Variants in STIM1 observed in about 807,000 individuals in gnomAD.
STIM1 encodes stromal interaction molecule 1.
STIM1 carries 25 observed loss-of-function variants against 74.7 expected under a neutral mutation model. That is an observed-to-expected ratio of 0.33 (90% CI 0.24 to 0.47). The LOEUF is 0.47. Among genes scored for constraint, STIM1 ranks in the 20% least tolerant of loss-of-function variants. The probability of loss-of-function intolerance (pLI) is 1.00; values close to 1 mark genes in which losing one functional copy is unlikely to be tolerated. For synonymous variants in STIM1, 328 were observed against 348.8 expected (o/e 0.94, Z 0.66); for missense variants, 728 against 920.8 (o/e 0.79, Z 2.71).
intron 1 of STIM1, among the ~76,000 whole-genome samples, chr11:3,862,247 TA>T (rs977777000): frequency 6.6e-6 from 1 of 152,106 alleles, no homozygotes; most frequent in African/African-American, 2.4e-5. Flanking sequence ...AAATTCCCCC[TA>T]AAAAGTAAGA....
chr11:3,971,357 G>C (rs1236615830), intron 2 of STIM1, among the ~76,000 whole-genome samples: 1 of 151,932 alleles, frequency 6.6e-6, no homozygotes, highest in African/African-American at 2.4e-5. Context: ...GTGAAACCCC[G>C]TCTCTACTAA....
chr11:4,018,471 A>C (rs994509818), intron 2 of STIM1, among the ~76,000 whole-genome samples: 3 of 146,196 alleles, frequency 2.1e-5, no homozygotes, highest in South Asian at 4.4e-4. Context: ...AAAAAAAAAA[A>C]AAAAAAAAAA....
At chr11:3,972,165 T>C (rs2093402407) in intron 2 of STIM1, among the ~76,000 whole-genome samples, 2 of 152,236 alleles carry the variant, frequency 1.3e-5, no homozygotes, top group African/African-American at 4.8e-5. Context: ...AGTAGAAGTC[T>C]GAAGGGGTGC....
At chr11:4,049,971 C>T (rs960154220) in intron 3 of STIM1, among the ~76,000 whole-genome samples, 1 of 152,110 alleles carries the variant, frequency 6.6e-6, no homozygotes, top group African/African-American at 2.4e-5. Flanking sequence ...TAGAACAATA[C>T]TCTCATAGAC....
At chr11:4,038,509 A>G (rs2132974509) in intron 3 of STIM1, among the ~76,000 whole-genome samples, 1 of 152,270 alleles carries the variant, frequency 6.6e-6, no homozygotes, top group African/African-American at 2.4e-5. Context: ...TGGAAATTCA[A>G]GGCCATAAGC....
At chr11:3,859,540 G>A (rs2090517490) in intron 1 of STIM1, among the ~76,000 whole-genome samples, 1 of 152,216 alleles carries the variant, frequency 6.6e-6, no homozygotes, top group Admixed American at 6.5e-5. Flanking sequence ...GGTATTGAGG[G>A]CCTCTAATCA....
intron 1 of STIM1, among the ~76,000 whole-genome samples, chr11:3,899,379 T>G (rs1190270959): frequency 6.6e-6 from 1 of 152,240 alleles, no homozygotes; most frequent in East Asian, 1.9e-4. Context: ...ATCCTGAGAG[T>G]TTGCTGAAGT....
At chr11:4,012,150 G>C (rs2093843659) in intron 2 of STIM1, among the ~76,000 whole-genome samples, 2 of 152,204 alleles carry the variant, frequency 1.3e-5, no homozygotes, top group African/African-American at 4.8e-5. Context: ...TTTGAAGTCA[G>C]GTAGTGTGAT....
intron 2 of STIM1, among the ~76,000 whole-genome samples, chr11:4,022,335 C>A (rs1423534065): frequency 7.8e-4 from 82 of 104,898 alleles, no homozygotes; most frequent in African/African-American, 1.7e-3. Flanking sequence ...GAACCTGTCT[C>A]AAAAAAAAAA....
intron 11 of STIM1, among the ~76,000 whole-genome samples, chr11:4,085,665 T>C (rs995986263): frequency 1.3e-5 from 2 of 152,228 alleles, no homozygotes; most frequent in African/African-American, 2.4e-5. Flanking sequence ...CTGCCACTTA[T>C]TGAGTGCCAT....
At chr11:3,877,719 A>G (rs1240073664) in intron 1 of STIM1, among the ~76,000 whole-genome samples, 1 of 152,152 alleles carries the variant, frequency 6.6e-6, no homozygotes, top group Admixed American at 6.5e-5. Flanking sequence ...CCTTGTTCTC[A>G]GGCATTCCCA....
intron 3 of STIM1, among the ~76,000 whole-genome samples, chr11:4,034,611 G>A (rs1022026909): frequency 3.9e-5 from 6 of 152,064 alleles, no homozygotes; most frequent in African/African-American, 1.4e-4. Flanking sequence ...TTTGTTTTTG[G>A]TATCAGGATA....
chr11:4,035,477 A>G (rs1276745264), intron 3 of STIM1, among the ~76,000 whole-genome samples: 12 of 151,730 alleles, frequency 7.9e-5, no homozygotes, highest in Non-Finnish European at 1.2e-4. Flanking sequence ...TCTGTTTTAG[A>G]CCTTAGATCC....
intron 4 of STIM1, among the ~76,000 whole-genome samples, chr11:4,057,469 A>G (rs745668584): frequency 4.5e-4 from 68 of 152,182 alleles, no homozygotes; most frequent in Admixed American, 1.8e-3. Context: ...CTCACATGGT[A>G]TAATGAGAAT....
rs774556824 is a variant in STIM1, at chr11:3,970,229, G to A, written c.270+2547G>A. 8.5e-5 allele frequency among the ~76,000 whole-genome samples: 13 copies of A among 152,238 alleles called. No individual in the cohort carries two copies. The South Asian group carries it at 1.2e-3, about 15-fold the overall frequency. ...AAACTGTTACCCTGCTCTTCTCTGC[G>A]CCAGTGGTGAGCTGTTCTTTTTCAG... On this transcript the variant is annotated intron_variant, in intron 2 of 12. Transcript: ENST00000526596.
At chr11:3,941,673 T>TATATATAGAGAGAG (rs141623520) in intron 1 of STIM1, among the ~76,000 whole-genome samples, 38 of 90,734 alleles carry the variant, frequency 4.2e-4, no homozygotes, top group African/African-American at 5.5e-4. Context: ...TATATATATA[T>TATATATAGAGAGAG]AGAGAGAGAG....
chr11:3,962,391 A>G (rs1425837395), intron 1 of STIM1, among the ~76,000 whole-genome samples: 1 of 151,832 alleles, frequency 6.6e-6, no homozygotes, highest in East Asian at 1.9e-4. Context: ...CTCCAGTTCC[A>G]TCCACGTTGC....
intron 2 of STIM1, among the ~76,000 whole-genome samples, chr11:4,013,126 C>A (rs1406380722): frequency 6.6e-6 from 1 of 152,188 alleles, no homozygotes; most frequent in Admixed American, 6.5e-5. Context: ...TTCGGTGTGC[C>A]AGTATTTTAT....
Position 4,091,611 on chromosome 11 carries a change from C to G in STIM1, c.1964C>G (p.Pro655Arg), listed in dbSNP as rs2094525686. The change falls in exon 13 of 13, where the codon CCA (proline) becomes CGA (arginine). Residue 655 changes from proline (P) to arginine (R), a missense_variant. By Grantham distance (103) the Pro-to-Arg change is moderately radical. Coordinates refer to ENST00000526596, the MANE Select transcript of STIM1 (RefSeq NM_001382567.1). ...SRSHSPSSPD[P>R]DTPSPVGDSR... ...TCTCACAGCCCCAGCTCCCCAGACC[C>G]AGACACACCATCTCCAGTTGGGGAC... The G allele has an allele frequency of 6.2e-7, 1 of 1,614,100 alleles. No individual in the cohort carries two copies. The highest frequency in any genetic ancestry group is 8.5e-7 in the Non-Finnish European group (1 of 1,180,046).
Sources: allele counts gnomAD v4.1 joint callset (sites outside exome capture counted in the v4.1 genomes callset), GRCh38; gene constraint gnomAD v4.1.1; transcripts MANE v1.5; gene names NCBI Gene and HGNC (gene_info 2026-07-23, HGNC 2026-07-21).